BIRC6: variants seen among roughly 807,000 people sequenced by gnomAD.
The protein encoded by BIRC6 is dual E2 ubiquitin-conjugating enzyme/E3 ubiquitin-protein ligase BIRC6.
Under a neutral mutation model 503.3 loss-of-function variants are expected in BIRC6, and 98 were observed. The ratio of observed to expected loss-of-function variants is 0.19; its 90% CI spans 0.17 to 0.23. The LOEUF is 0.23. Among genes scored for constraint, BIRC6 ranks in the 10% least tolerant of loss-of-function variants. The pLI, the probability that BIRC6 is intolerant of heterozygous loss-of-function variation, is 1.00. For missense variants in BIRC6, 5,360 were observed against 5,806.0 expected (o/e 0.92, Z 2.50); for synonymous variants, 2,240 against 2,078.7 (o/e 1.08, Z -2.11).
chr2:32,525,710 C>G lies in BIRC6; in HGVS notation c.11920+82C>G, dbSNP rs1393615343. The G allele has an allele frequency of 3.6e-6, 5 of 1,370,366 alleles. 1 individual carries two copies. The highest frequency in any genetic ancestry group is 5.0e-6 in the Non-Finnish European group (5 of 1,007,086). 84.9% of individuals were successfully genotyped at this position (1,370,366 alleles called of 1,614,324 possible). A position where few individuals can be genotyped will look rare whatever the true frequency, so the allele number is the denominator to read the frequency against. On this transcript the variant is annotated intron_variant, in intron 59 of 73. Transcript: ENST00000421745. The stretch of plus-strand genomic sequence containing the variant: ...AAATCAGAGGCACAGTCACCAAAAT[C>G]ATTTTAATCAGGTGCCATTGATGAG...
At position 32,439,663 on chromosome 2, in the gene BIRC6, T is replaced by C; in HGVS notation, c.3787T>C (p.Leu1263=). The C allele has an allele frequency of 6.2e-7, 1 of 1,613,766 alleles. No individual in the cohort carries two copies. Among genetic ancestry groups the C allele is most frequent in the Non-Finnish European group, 8.5e-7 (1 of 1,179,802 alleles). The change falls in exon 16 of 74, where the codon TTG becomes CTG. Residue 1263 remains leucine, a synonymous_variant. Transcript: ENST00000421745. Reference sequence around the variant, plus strand: ...CAAGGGTTATTCACTTGCTTCACTTTTGGCTAAAGTTGCAGCAGGCAAGGT... The same window carrying C: ...CAAGGGTTATTCACTTGCTTCACTTCTGGCTAAAGTTGCAGCAGGCAAGGT... The part of the protein sequence containing the change: ...SNKGYSLASL[L]AKVAAGKEKS...
chr2:32,464,794 C>T lies in BIRC6; in HGVS notation c.5227C>T (p.His1743Tyr). Residue 1743 changes from histidine (H) to tyrosine (Y), a missense_variant, in exon 25 of 74, where the codon CAT becomes TAT. By Grantham distance (83) the His-to-Tyr change is moderately conservative (BLOSUM62 2). Coordinates refer to ENST00000421745, the MANE Select transcript of BIRC6 (RefSeq NM_016252.4). ...IDPPAVNLAAHNKNSNKSRMN... is the reference protein window; with the variant it reads ...IDPPAVNLAAYNKNSNKSRMN... ...TCCCCCAGCAGTCAATCTTGCTGCA[C>T]ATAACAAAAATTCCAACAAGTCCAG... is the stretch of plus-strand genomic sequence containing the variant. 1 of 1,611,510 alleles carries T rather than the reference C, an allele frequency of 6.2e-7. No homozygotes were observed. The highest frequency in any genetic ancestry group is 8.5e-7 in the Non-Finnish European group (1 of 1,178,142).
chr2:32,485,522 T>C, intron 39 of BIRC6, 121 bp from the exon 40 acceptor site: 1 of 618,498 alleles, frequency 1.6e-6, no homozygotes, highest in Non-Finnish European at 2.8e-6. Flanking sequence ...GTTAGGTGGC[T>C]GTTCTGTAAG....
intron 9 of BIRC6, among the ~76,000 whole-genome samples, chr2:32,409,978 G>A (rs1239256261): frequency 1.3e-5 from 2 of 152,130 alleles, no homozygotes; most frequent in Admixed American, 6.5e-5. Flanking sequence ...TATTTGAGAA[G>A]CAGCAAAGTA....
chr2:32,545,935 C>G, intron 63 of BIRC6, 75 bp downstream of exon 63: 1 of 1,321,442 alleles, frequency 7.6e-7, no homozygotes, highest in Non-Finnish European at 1.0e-6. Flanking sequence ...AAGTTTTTTT[C>G]TGAATTAATC....
intron 65 of BIRC6, among the ~76,000 whole-genome samples, chr2:32,549,709 G>A (rs536098182): frequency 1.3e-5 from 2 of 152,268 alleles, no homozygotes; most frequent in African/African-American, 2.4e-5. Flanking sequence ...ATCTGTGAAA[G>A]GTGAAAGTAA....
chr2:32,439,764 GTAT>G, intron 16 of BIRC6, 78 bp downstream of exon 16: 4 of 1,301,900 alleles, frequency 3.1e-6, no homozygotes, highest in Non-Finnish European at 4.2e-6. Flanking sequence ...ATTAGAAGTA[GTAT>G]GACCTTTCAG....
chr2:32,442,319 T>C lies in BIRC6; in HGVS notation c.4107-5T>C. On this transcript the variant is annotated splice_region_variant and splice_polypyrimidine_tract_variant and intron_variant, in intron 18 of 73. Coordinates refer to ENST00000421745, the MANE Select transcript of BIRC6 (RefSeq NM_016252.4). ...TGAGTCTAAATGTCTGCTATTGTTTTGCAGCTCAAAGGAAGGAAATGAGAA... is the reference window on the plus strand; with the variant it reads ...TGAGTCTAAATGTCTGCTATTGTTTCGCAGCTCAAAGGAAGGAAATGAGAA... 2 of 1,613,238 alleles carry C rather than the reference T, an allele frequency of 1.2e-6. No homozygotes were observed. The highest frequency in any genetic ancestry group is 3.3e-5 in the Admixed American group (2 of 59,876).
intron 1 of BIRC6, among the ~76,000 whole-genome samples, chr2:32,374,953 G>A (rs187623872): frequency 6.6e-6 from 1 of 152,260 alleles, no homozygotes; most frequent in East Asian, 1.9e-4. Context: ...TCCATTTGGG[G>A]AGTGTTGAGG....
chr2:32,373,193 A>C (rs952898773), intron 1 of BIRC6, among the ~76,000 whole-genome samples: 2 of 152,216 alleles, frequency 1.3e-5, no homozygotes, highest in African/African-American at 4.8e-5. Context: ...AATTCCTATC[A>C]AAATCCCAGT....
chr2:32,488,893 A>G (rs2051330378), intron 42 of BIRC6, among the ~76,000 whole-genome samples, 179 bp downstream of exon 42: 1 of 152,154 alleles, frequency 6.6e-6, no homozygotes, highest in African/African-American at 2.4e-5. Flanking sequence ...ATACAGGGAG[A>G]CCTTGTTGAG....
intron 15 of BIRC6, among the ~76,000 whole-genome samples, 174 bp downstream of exon 15, chr2:32,436,358 G>C (rs1315867194): frequency 2.0e-5 from 3 of 152,104 alleles, no homozygotes; most frequent in Non-Finnish European, 2.9e-5. Flanking sequence ...TAACTGTATG[G>C]TTATCTGATC....
At chr2:32,602,363 C>CA (rs1178433332) in intron 70 of BIRC6, 2 of 152,084 alleles carry the variant, frequency 1.3e-5, no homozygotes, top group African/African-American at 4.8e-5. Context: ...TGTTCTCACT[C>CA]ACGTAGAAGC....
At chr2:32,427,770 G>C (rs1242879758) in intron 10 of BIRC6, among the ~76,000 whole-genome samples, 1 of 151,946 alleles carries the variant, frequency 6.6e-6, no homozygotes, top group Non-Finnish European at 1.5e-5. Context: ...TTTACATCTT[G>C]AATGTGGGTC....
intron 60 of BIRC6, among the ~76,000 whole-genome samples, chr2:32,531,066 A>G (rs955072685): frequency 2.0e-5 from 3 of 152,224 alleles, no homozygotes; most frequent in Non-Finnish European, 4.4e-5. Context: ...AATGACCAGC[A>G]TCATACTGTT....
chr2:32,359,435 T>TCACA (rs1330210168), intron 1 of BIRC6, among the ~76,000 whole-genome samples: 2 of 152,330 alleles, frequency 1.3e-5, no homozygotes, highest in African/African-American at 4.8e-5. Flanking sequence ...ATATTCACTT[T>TCACA]AGTGGTAGAT....
chr2:32,429,316 A>G, intron 11 of BIRC6, 21 bp downstream of exon 11: 5 of 1,452,440 alleles, frequency 3.4e-6, no homozygotes, highest in Non-Finnish European at 4.6e-6. Flanking sequence ...AAATTTTTAA[A>G]TGATTTTAAA....
At chr2:32,495,364 G>C (rs975244609) in intron 45 of BIRC6, among the ~76,000 whole-genome samples, 4 of 152,090 alleles carry the variant, frequency 2.6e-5, no homozygotes, top group African/African-American at 9.7e-5. Flanking sequence ...ATTTAAGAGG[G>C]TCCACAAAGC....
chr2:32,500,797 G>A (rs752231677), intron 46 of BIRC6, among the ~76,000 whole-genome samples: 5 of 151,814 alleles, frequency 3.3e-5, no homozygotes, highest in Admixed American at 6.6e-5. Context: ...TAGAGATGGG[G>A]TTATGCCATG....
Sources: gnomAD v4.1 joint callset for allele counts (sites outside exome capture counted in the v4.1 genomes callset) on GRCh38, gnomAD v4.1.1 for gene constraint, MANE v1.5 for transcripts, NCBI Gene and HGNC (gene_info 2026-07-23, HGNC 2026-07-21) for gene names.